The following PRKAB1 variants were observed in gnomAD, a reference collection of about 807,000 sequenced individuals.
The protein encoded by PRKAB1 is protein kinase AMP-activated non-catalytic subunit beta 1.
PRKAB1 carries 18 observed loss-of-function variants against 32.0 expected under a neutral mutation model. The observed-to-expected ratio is 0.56, with a 90% CI of 0.39 to 0.83. The LOEUF is 0.83. Ranked by LOEUF, PRKAB1 falls within the 40% of genes least tolerant of loss-of-function variation. The pLI, the probability that PRKAB1 is intolerant of heterozygous loss-of-function variation, is 0.00. For synonymous variants in PRKAB1, 141 were observed against 141.4 expected (o/e 1.00, Z 0.02); for missense variants, 263 against 352.6 (o/e 0.75, Z 2.03).
chr12:119,669,116 C>CAA (rs143498297), intron 1 of PRKAB1, among the ~76,000 whole-genome samples: 16 of 145,512 alleles, frequency 1.1e-4, no homozygotes, highest in Admixed American at 3.4e-4. Context: ...GACTTCGTCT[C>CAA]AAAAAAAAAA....
At position 119,680,251 on chromosome 12, in the gene PRKAB1, G is replaced by A; in HGVS notation, c.739G>A (p.Gly247Arg). 1 of 1,613,828 alleles carries A rather than the reference G, an allele frequency of 6.2e-7. No homozygotes were observed. Among genetic ancestry groups the A allele is most frequent in the Non-Finnish European group, 8.5e-7 (1 of 1,179,756 alleles). Residue 247 changes from glycine (G) to arginine (R), a missense_variant, in exon 7 of 7, where the codon GGA (glycine) becomes AGA (arginine). Transcript: ENST00000229328. Reference protein sequence around the residue: ...NHLYALSIKDGVMVLSATHRY... With the variant: ...NHLYALSIKDRVMVLSATHRY... Reference sequence around the variant, plus strand: ...TCATTTCCACCTTGTTCCTTAGGATGGAGTGATGGTGCTCAGCGCAACCCA... The same window carrying A: ...TCATTTCCACCTTGTTCCTTAGGATAGAGTGATGGTGCTCAGCGCAACCCA...
intron 4 of PRKAB1, among the ~76,000 whole-genome samples, chr12:119,676,122 G>C (rs903035624): frequency 6.6e-6 from 1 of 152,118 alleles, no homozygotes; most frequent in Non-Finnish European, 1.5e-5. Context: ...GTTGCATTGC[G>C]GCCGGGGGTG....
Position 119,668,357 on chromosome 12 carries a change from T to G in PRKAB1, c.113T>G (p.Met38Arg), listed in dbSNP as rs1458877382. 1 of 1,613,316 alleles carries G rather than the reference T, an allele frequency of 6.2e-7. No individual in the cohort carries two copies. Among genetic ancestry groups the G allele is most frequent in the Non-Finnish European group, 8.5e-7 (1 of 1,179,718 alleles). The part of the protein sequence containing the change: ...TKDGDRPKIL[M>R]DSPEDADLFH... ...GACGGGGACAGGCCCAAGATCCTGATGGACAGCCCCGAAGACGCCGACCTC... is the reference window on the plus strand; with the variant it reads ...GACGGGGACAGGCCCAAGATCCTGAGGGACAGCCCCGAAGACGCCGACCTC... The change falls in exon 1 of 7, where the codon ATG (methionine) becomes AGG (arginine). Residue 38 changes from methionine to arginine, a missense_variant. Coordinates refer to ENST00000229328, the MANE Select transcript of PRKAB1 (RefSeq NM_006253.5).
At chr12:119,669,190 G>T (rs1458690988) in intron 1 of PRKAB1, among the ~76,000 whole-genome samples, 1 of 151,994 alleles carries the variant, frequency 6.6e-6, no homozygotes, top group Non-Finnish European at 1.5e-5. Context: ...CGAACTCCCG[G>T]GTTCAAGCAA....
chr12:119,675,766 T>C (rs2136856652), intron 4 of PRKAB1, among the ~76,000 whole-genome samples: 1 of 152,290 alleles, frequency 6.6e-6, no homozygotes, highest in Non-Finnish European at 1.5e-5. Flanking sequence ...AAAATGACAT[T>C]GAGGGAATTG....
intron 1 of PRKAB1, chr12:119,671,641 G>A (rs906447870): frequency 4.7e-5 from 12 of 256,300 alleles, no homozygotes; most frequent in East Asian, 2.2e-4. Context: ...CCCTTGACAC[G>A]TGGGGATTAT....
chr12:119,678,605 T>G (rs902698986), intron 5 of PRKAB1: 5 of 152,252 alleles, frequency 3.3e-5, no homozygotes, highest in Non-Finnish European at 7.3e-5. Context: ...TCCACATAAG[T>G]GACATCACAT....
chr12:119,673,550 A>C (rs1011580614), intron 2 of PRKAB1, among the ~76,000 whole-genome samples: 3 of 152,192 alleles, frequency 2.0e-5, no homozygotes, highest in African/African-American at 7.2e-5. Context: ...TTCTTTAGAG[A>C]ACATTTGAGC....
rs551830220 is a variant in PRKAB1 at position 119,668,711 on chromosome 12, G to T, written c.159+308G>T. 3.9e-5 allele frequency among the ~76,000 whole-genome samples: 6 copies of T among 152,342 alleles called. No homozygotes were observed. In the South Asian group the frequency reaches 1.2e-3, roughly 32 times the overall value. The stretch of plus-strand genomic sequence containing the variant: ...TAATTAATTCAGAGTCGAGCTAACA[G>T]TAATTGAGCCCCAGCTTCTGCTTTT... On this transcript the variant is annotated intron_variant, in intron 1 of 6. Coordinates refer to ENST00000229328, the MANE Select transcript of PRKAB1 (RefSeq NM_006253.5).
chr12:119,668,919 C>T (rs1955362126), intron 1 of PRKAB1, among the ~76,000 whole-genome samples: 3 of 152,138 alleles, frequency 2.0e-5, no homozygotes, highest in Admixed American at 6.5e-5. Context: ...TTCTGCCCAA[C>T]ACTTTTGATT....
intron 5 of PRKAB1, chr12:119,678,550 A>G (rs1179933305): frequency 1.3e-5 from 2 of 152,230 alleles, no homozygotes; most frequent in Non-Finnish European, 1.5e-5. Context: ...GCCGCTGGCA[A>G]CCACCACTCT....
chr12:119,669,127 TATAA>T (rs1955364963), intron 1 of PRKAB1, among the ~76,000 whole-genome samples: 1 of 144,312 alleles, frequency 6.9e-6, no homozygotes, highest in Non-Finnish European at 1.5e-5. Context: ...AAAAAAAAAA[TATAA>T]ATAAAAATAA....
rs1213673339 is a variant in PRKAB1, at chr12:119,680,371, C to T, written c.*46C>T. 1.3e-6 allele frequency: 2 copies of T among 1,525,260 alleles called. No individual in the cohort carries two copies. The highest frequency in any genetic ancestry group is 1.8e-6 in the Non-Finnish European group (2 of 1,104,894). 94.5% of individuals were successfully genotyped at this position (1,525,260 alleles called of 1,614,324 possible). On this transcript the variant is annotated 3_prime_UTR_variant, in exon 7 of 7. Transcript: ENST00000229328. The stretch of plus-strand genomic sequence containing the variant: ...GCCCAGGAGACAGCACACCACCAGG[C>T]TCCACACGTGCATGCTTTCCCCAAG...
At chr12:119,677,482 G>C (rs995452456) in intron 5 of PRKAB1, 2 of 152,360 alleles carry the variant, frequency 1.3e-5, no homozygotes, top group Non-Finnish European at 2.9e-5. Context: ...CCTTTCTCAG[G>C]TCACCTCCTG....
At chr12:119,680,073 G>C in intron 6 of PRKAB1, 72 bp downstream of exon 6, 1 of 1,542,914 alleles carries the variant, frequency 6.5e-7, no homozygotes, top group Non-Finnish European at 9.0e-7. Flanking sequence ...GCAGTGGAAT[G>C]ACCTGGCGGG....
At chr12:119,669,125 A>AG (rs557333826) in intron 1 of PRKAB1, among the ~76,000 whole-genome samples, 1 of 150,508 alleles carries the variant, frequency 6.6e-6, no homozygotes, top group Non-Finnish European at 1.5e-5. Context: ...TCAAAAAAAA[A>AG]ATATAAATAA....
Position 119,680,557 on chromosome 12 carries a change from T to C in PRKAB1, c.*232T>C, listed in dbSNP as rs933187093. 2 of 542,366 alleles carry C rather than the reference T, an allele frequency of 3.7e-6. No homozygotes were observed. Among genetic ancestry groups the C allele is most frequent in the African/African-American group, 3.8e-5 (2 of 52,964 alleles). 33.6% of individuals were successfully genotyped at this position (542,366 alleles called of 1,614,324 possible). ...CATGGCTTTGAGCCTCGGGGACTCA[T>C]CAAGTCCAAGAAAAGAGGGAGGGGT... On this transcript the variant is annotated 3_prime_UTR_variant, in exon 7 of 7. Transcript: ENST00000229328.
Position 119,679,659 on chromosome 12 carries a change from G to A in PRKAB1, c.667-274G>A, listed in dbSNP as rs1955449908. On this transcript the variant is annotated intron_variant, in intron 5 of 6. Coordinates refer to ENST00000229328, the MANE Select transcript of PRKAB1 (RefSeq NM_006253.5). This position sits in a 1 kb window ranked among gnomAD's most constrained non-coding sequence, Gnocchi z 4.1. ...GCCCCACCCTCCATAAGAGGACAGG[G>A]CCGTGGCCCACACTTGAAAGAGGCC... 1 of 466,154 alleles carries A rather than the reference G, an allele frequency of 2.1e-6. No individual in the cohort carries two copies. The highest frequency in any genetic ancestry group is 4.0e-6 in the Non-Finnish European group (1 of 251,988). The allele number at this position is 466,154 out of a possible 1,614,324, so 28.9% of individuals were successfully genotyped here. A position where few individuals can be genotyped will look rare whatever the true frequency, so the allele number is the denominator to read the frequency against.
chr12:119,671,797 G>A (rs1181136817), intron 1 of PRKAB1: 1 of 154,944 alleles, frequency 6.5e-6, no homozygotes, highest in Non-Finnish European at 1.4e-5. Context: ...TATTCCACAA[G>A]TATATTTAAG....
Sources: gnomAD v4.1 joint callset for allele counts (sites outside exome capture counted in the v4.1 genomes callset) on GRCh38, gnomAD v4.1.1 for gene constraint, Gnocchi (gnomAD v3.1) non-coding constraint, MANE v1.5 for transcripts, NCBI Gene and HGNC (gene_info 2026-07-23, HGNC 2026-07-21) for gene names.